The following MDN1 variants were observed in gnomAD, a reference collection of about 807,000 sequenced individuals.
The protein encoded by MDN1 is midasin.
Under a neutral mutation model 669.2 loss-of-function variants are expected in MDN1, and 266 were observed. The observed-to-expected ratio is 0.40, with a 90% CI of 0.36 to 0.44. The LOEUF (loss-of-function observed/expected upper bound fraction) is 0.44, where lower values mean the gene tolerates loss of function less well. MDN1 is among the 20% of genes least tolerant of loss of function. MDN1 has a pLI of 1.00. For synonymous variants in MDN1, 2,385 were observed against 2,457.1 expected, an observed-to-expected ratio of 0.97 and a Z score of 0.87; for missense variants, 5,940 against 6,754.0, an observed-to-expected ratio of 0.88 and a Z score of 4.22.
chr6:89,766,272 C>G (rs909952847), intron 15 of MDN1, among the ~76,000 whole-genome samples: 25 of 151,442 alleles, frequency 1.7e-4, no homozygotes, highest in Non-Finnish European at 8.8e-5. Flanking sequence ...GCACTCCAGC[C>G]TGGGCGACAG....
chr6:89,730,759 G>C lies in MDN1; in HGVS notation c.5107C>G (p.Leu1703Val). 6.2e-7 allele frequency: 1 copy of C among 1,613,890 alleles called. No homozygotes were observed. The highest frequency in any genetic ancestry group is 2.2e-5 in the East Asian group (1 of 44,878). The stretch of plus-strand genomic sequence containing the variant: ...ATAAAAAATGGATGAATTCCCCAAA[G>C]GTTATCTATTCCAGTGAATTCTTTG... ...KAKEFTGIDN[L>V]WGIHPFFIPR... The change falls in exon 35 of 102, where the codon CTT becomes GTT. Residue 1703 changes from leucine to valine, a missense_variant. Transcript: ENST00000369393.
At chr6:89,807,022 T>TGTGA (rs1768068819) in intron 1 of MDN1, among the ~76,000 whole-genome samples, 1 of 152,170 alleles carries the variant, frequency 6.6e-6, no homozygotes, top group African/African-American at 2.4e-5. Flanking sequence ...TCTTATGAAA[T>TGTGA]TCTTTATTTT....
chr6:89,655,630 T>C (rs56084221), intron 92 of MDN1, 134 bp downstream of exon 92: 103,146 of 805,808 alleles, frequency 0.13, 7,258 homozygotes, highest in South Asian at 0.17. Flanking sequence ...CTTGACTTGA[T>C]CATTAAACAT....
chr6:89,678,659 G>A lies in MDN1; in HGVS notation c.12352C>T (p.His4118Tyr). Residue 4118 changes from histidine to tyrosine, a missense_variant, in exon 75 of 102, where the codon CAC becomes TAC. By Grantham distance (83) the His-to-Tyr change is moderately conservative. This residue lies in a region of MDN1 where 2,280 missense variants were observed against 2,576.3 expected (regional missense o/e 0.88). Coordinates refer to ENST00000369393, the MANE Select transcript of MDN1 (RefSeq NM_014611.3). ...EKEKQRSEAK[H>Y]ILMQKQRALS... ...GCTCGCTGTTTTTGCATGAGAATGT[G>A]CTTGGCTTCTGACCGCTGCTTCTCC... 3 of 1,614,118 alleles carry A rather than the reference G, an allele frequency of 1.9e-6. No individual in the cohort carries two copies. The highest frequency in any genetic ancestry group is 2.5e-6 in the Non-Finnish European group (3 of 1,179,998).
At chr6:89,680,501 A>C in intron 74 of MDN1, 88 bp downstream of exon 74, 1 of 1,492,710 alleles carries the variant, frequency 6.7e-7, no homozygotes, top group Non-Finnish European at 9.0e-7. Context: ...AAGGTATCAA[A>C]AAAGGACACA....
In MDN1 at chr6:89,658,824, T is replaced by C. The variant is rs778490554; in HGVS notation, c.14807A>G (p.Gln4936Arg). ...GETETDQNESQSPQEPEEGPS... is the reference protein window; with the variant it reads ...GETETDQNESRSPQEPEEGPS... ...GCCTTCCTCAGGCTCCTGTGGACTC[T>C]GACTTTCGTTCTGGTCGGTCTCGGT... Residue 4936 changes from glutamine to arginine, a missense_variant, in exon 89 of 102, where the codon CAG becomes CGG. Coordinates refer to ENST00000369393, the MANE Select transcript of MDN1 (RefSeq NM_014611.3). The C allele has an allele frequency of 2.5e-6, 4 of 1,614,244 alleles. No individual in the cohort carries two copies. The highest frequency in any genetic ancestry group is 3.4e-6 in the Non-Finnish European group (4 of 1,180,050).
At chr6:89,811,587 AGGAGTGT>A (rs1768421072) in intron 1 of MDN1, among the ~76,000 whole-genome samples, 1 of 152,108 alleles carries the variant, frequency 6.6e-6, no homozygotes, top group African/African-American at 2.4e-5. Context: ...CTGGGACTAC[AGGAGTGT>A]GCCACCACGC....
rs547048086 is a variant in MDN1, at chr6:89,688,416, C to T, written c.11259+157G>A. On this transcript the variant is annotated intron_variant, in intron 66 of 101. Coordinates refer to ENST00000369393, the MANE Select transcript of MDN1 (RefSeq NM_014611.3). ...GAAATACAAAACTGGTGTGTTCATC[C>T]TGCAGTTAGTAAGTAACATCTCATT... Among the ~76,000 whole-genome samples the T allele has an allele frequency of 1.4e-4, 21 of 152,346 alleles. 1 individual carries two copies. In the South Asian group the frequency reaches 3.5e-3, roughly 26 times the overall value.
intron 1 of MDN1, among the ~76,000 whole-genome samples, chr6:89,810,093 A>G (rs534544249): frequency 5.3e-5 from 8 of 151,214 alleles, no homozygotes; most frequent in South Asian, 2.1e-4. Context: ...TTTTTCTTAC[A>G]TGTATTAATT....
rs190485609 is a variant in MDN1, at chr6:89,737,169, G to T, written c.4723+1157C>A. Among the ~76,000 whole-genome samples the T allele has an allele frequency of 3.3e-5, 5 of 152,216 alleles. No homozygotes were observed. In the East Asian group the frequency reaches 9.7e-4, roughly 29 times the overall value. Reference sequence around the variant, plus strand: ...TCTGGCCATTCAAGCAGCAGTGTGCGTACCTATAAATGTGGCAGTTCACCG... The same window carrying T: ...TCTGGCCATTCAAGCAGCAGTGTGCTTACCTATAAATGTGGCAGTTCACCG... On this transcript the variant is annotated intron_variant, in intron 33 of 101. Coordinates refer to ENST00000369393, the MANE Select transcript of MDN1 (RefSeq NM_014611.3).
intron 2 of MDN1, among the ~76,000 whole-genome samples, chr6:89,796,025 T>C (rs890459610): frequency 7.9e-5 from 12 of 150,986 alleles, no homozygotes; most frequent in Middle Eastern, 3.5e-3. Context: ...TAAAAAATAT[T>C]ATTAAAACTT....
chr6:89,700,802 CAAGGACTTTGTT>C lies in MDN1; in HGVS notation c.8470_8481del (p.Asn2824_Leu2827del). ...AGGGCAGACATCTGCTCCCTGATGG[CAAGGACTTTGTT>C]AAGGACCTTCAGTTGTGAAAAACAC... On this transcript the variant is annotated inframe_deletion, in exon 56 of 102. Coordinates refer to ENST00000369393, the MANE Select transcript of MDN1 (RefSeq NM_014611.3). 1 of 1,614,192 alleles carries C rather than the reference CAAGGACTTTGTT, an allele frequency of 6.2e-7. No individual in the cohort carries two copies. Among genetic ancestry groups the C allele is most frequent in the Non-Finnish European group, 8.5e-7 (1 of 1,180,030 alleles).
rs986072690 is a variant in MDN1, at chr6:89,794,755, G to C, written c.376C>G (p.Leu126Val). Residue 126 changes from leucine (L) to valine (V), a missense_variant, in exon 3 of 102, where the codon CTT becomes GTT. Leu to Val is a conservative substitution (Grantham distance 32). Transcript: ENST00000369393. ...TTAGCATCTGAACTCTCTAGGAAAA[G>C]TCTTTGAAAGACTGGGGATGTGTCC... ...FKDTSPVFQR[L>V]FLESSDANPV... is the part of the protein sequence containing the mutation. 4 of 1,614,076 alleles carry C rather than the reference G, an allele frequency of 2.5e-6. No homozygotes were observed. Among genetic ancestry groups the C allele is most frequent in the African/African-American group, 1.3e-5 (1 of 74,936 alleles).
rs551942944 is a variant in MDN1 at position 89,661,172 on chromosome 6, C to G, written c.14713+259G>C. Among the ~76,000 whole-genome samples the G allele has an allele frequency of 9.2e-5, 14 of 152,238 alleles. No homozygotes were observed. The East Asian group carries it at 2.7e-3, about 29-fold the overall frequency. On this transcript the variant is annotated intron_variant, in intron 88 of 101. Coordinates refer to ENST00000369393, the MANE Select transcript of MDN1 (RefSeq NM_014611.3). ...AAGAGACAGTGCTGTGTGTGAAGCA[C>G]CACCAGGGCATAGCAGTGCCAAAAG...
Position 89,712,790 on chromosome 6 carries a change from G to A in MDN1, c.7219-4C>T. 1 of 1,613,408 alleles carries A rather than the reference G, an allele frequency of 6.2e-7. No individual in the cohort carries two copies. The highest frequency in any genetic ancestry group is 8.5e-7 in the Non-Finnish European group (1 of 1,179,402). On this transcript the variant is annotated splice_polypyrimidine_tract_variant and splice_region_variant and intron_variant, in intron 47 of 101. Coordinates refer to ENST00000369393, the MANE Select transcript of MDN1 (RefSeq NM_014611.3). ...TCTCCAGTAAAGCCTGTACAAGCTGGTAGGAGACAAAAACACAATACAGTG... is the reference window on the plus strand; with the variant it reads ...TCTCCAGTAAAGCCTGTACAAGCTGATAGGAGACAAAAACACAATACAGTG...
intron 99 of MDN1, 44 bp downstream of exon 99, chr6:89,647,988 T>C: frequency 6.9e-7 from 1 of 1,452,340 alleles, no homozygotes; most frequent in Non-Finnish European, 9.7e-7. Flanking sequence ...CCTACACCAG[T>C]TTAAAAATAA....
At position 89,695,078 on chromosome 6, in the gene MDN1, CA is replaced by C. The variant is rs1448334864; in HGVS notation, c.9771+526del. 6.6e-6 allele frequency among the ~76,000 whole-genome samples: 1 copy of C among 152,038 alleles called. No homozygotes were observed. The highest frequency in any genetic ancestry group is 1.5e-5 in the Non-Finnish European group (1 of 67,988). ...TGAAACCCTGTCTCTACTAAAAATA[CA>C]AAAATTAGCCAGGCGTGGTAGCGGG... On this transcript the variant is annotated intron_variant, in intron 61 of 101. Coordinates refer to ENST00000369393, the MANE Select transcript of MDN1 (RefSeq NM_014611.3). The surrounding 1 kb of genome is among the most constrained non-coding windows in gnomAD (Gnocchi z 4.1).
At position 89,652,281 on chromosome 6, in the gene MDN1, G is replaced by C; in HGVS notation, c.15826C>G (p.Pro5276Ala). 6.2e-7 allele frequency: 1 copy of C among 1,611,798 alleles called. No homozygotes were observed. The highest frequency in any genetic ancestry group is 8.5e-7 in the Non-Finnish European group (1 of 1,179,428). The change falls in exon 95 of 102, where the codon CCC becomes GCC. Residue 5276 changes from proline to alanine, a missense_variant and splice_region_variant. Pro to Ala is a conservative substitution (Grantham distance 27, BLOSUM62 -1). Around this residue, in one of 5 missense-constraint regions of MDN1, gnomAD observed 2,280 missense variants for 2,576.3 expected, o/e 0.88. Transcript: ENST00000369393. The part of the protein sequence containing the change: ...HQFLMDTIFQ[P>A]FLKDVNELRQ... ...AGCTCATTGACATCTTTTAAAAAGG[G>C]CTAAAAAGAAAAAGCCATAGATAAG...
At chr6:89,780,765 C>T (rs1162626813) in intron 10 of MDN1, among the ~76,000 whole-genome samples, 2 of 151,278 alleles carry the variant, frequency 1.3e-5, no homozygotes, top group Non-Finnish European at 2.9e-5. Flanking sequence ...CTCAGCCTCC[C>T]GAGTAGCTGG....
Sources: gnomAD v4.1 joint callset for allele counts (sites outside exome capture counted in the v4.1 genomes callset) on GRCh38, gnomAD v4.1.1 for gene constraint, gnomAD v4.1.1 regional missense constraint, Gnocchi (gnomAD v3.1) non-coding constraint, MANE v1.5 for transcripts, NCBI Gene and HGNC (gene_info 2026-07-23, HGNC 2026-07-21) for gene names.